Variants in CIB1 observed in about 807,000 individuals in gnomAD.
The protein encoded by CIB1 is calcium and integrin-binding protein 1.
CIB1 carries 19 observed loss-of-function variants against 25.0 expected under a neutral mutation model. The observed-to-expected ratio is 0.76, with a 90% CI of 0.53 to 1.12. The LOEUF (loss-of-function observed/expected upper bound fraction) is 1.12, where lower values mean the gene tolerates loss of function less well. Ranked by LOEUF, CIB1 falls within the 50% of genes most tolerant of loss-of-function variation. The pLI, the probability that CIB1 is intolerant of heterozygous loss-of-function variation, is 0.00. For missense variants in CIB1, 236 were observed against 242.6 expected (o/e 0.97, Z 0.18); for synonymous variants, 104 against 98.5 (o/e 1.06, Z -0.33).
chr15:90,246,959 G>A, the CIB1 span, among the ~76,000 whole-genome samples: 10 of 151,676 alleles, frequency 6.6e-5, no homozygotes, highest in African/African-American at 2.4e-4. Context: ...TTTCCAGGAG[G>A]ACCATTTCTT....
At chr15:90,265,055 C>T in the CIB1 span, 3 of 1,421,572 alleles carry the variant, frequency 2.1e-6, no homozygotes, top group East Asian at 7.5e-5. Context: ...ATGACTGCCA[C>T]CAAGTTCCAC....
chr15:90,237,558 G>C (rs1021027527), upstream of CIB1, among the ~76,000 whole-genome samples: 26 of 152,066 alleles, frequency 1.7e-4, no homozygotes, highest in African/African-American at 6.0e-4. Flanking sequence ...TGCTGGTCCA[G>C]GGATTACAGG....
the CIB1 span, chr15:90,257,659 C>G: frequency 2.5e-6 from 4 of 1,614,182 alleles, no homozygotes; most frequent in Non-Finnish European, 3.4e-6. Context: ...ATGCACCTGA[C>G]CAACTATGCT....
At chr15:90,246,108 T>C in the CIB1 span, among the ~76,000 whole-genome samples, 1 of 151,934 alleles carries the variant, frequency 6.6e-6, no homozygotes, top group East Asian at 1.9e-4. Context: ...ACCCAGTCTC[T>C]ACAAAAATAC....
At chr15:90,259,787 G>A in the CIB1 span, among the ~76,000 whole-genome samples, 35 of 152,300 alleles carry the variant, frequency 2.3e-4, no homozygotes, top group East Asian at 5.2e-3. Context: ...ATAGAGAATC[G>A]TTTACATCCG....
At chr15:90,250,692 C>A in the CIB1 span, 1 of 1,614,142 alleles carries the variant, frequency 6.2e-7, no homozygotes, top group Non-Finnish European at 8.5e-7. Flanking sequence ...GAAAAGGAAT[C>A]TGAGAAGTGT....
chr15:90,251,430 GGTCT>G, the CIB1 span: 1 of 1,025,812 alleles, frequency 9.7e-7, no homozygotes, highest in Admixed American at 1.7e-5. Flanking sequence ...AGCCCATCCT[GGTCT>G]GTCTTTTAAG....
chr15:90,241,613 C>T, the CIB1 span: 41 of 1,613,840 alleles, frequency 2.5e-5, no homozygotes, highest in Middle Eastern at 3.3e-4. Context: ...AGGCGCCAAG[C>T]GAGCCCCTGG....
the CIB1 span, among the ~76,000 whole-genome samples, chr15:90,264,222 C>T: frequency 1.3e-5 from 2 of 152,024 alleles, no homozygotes; most frequent in Admixed American, 1.3e-4. Flanking sequence ...GACAAGGTCA[C>T]GCTCTGTCGC....
At chr15:90,255,631 G>C in the CIB1 span, 1 of 1,425,256 alleles carries the variant, frequency 7.0e-7, no homozygotes. Flanking sequence ...CCTTGGTGCA[G>C]TGCTTACCTC....
At chr15:90,261,863 G>A in the CIB1 span, 1 of 608,760 alleles carries the variant, frequency 1.6e-6, no homozygotes, top group African/African-American at 1.9e-5. Context: ...GCCAAAGATG[G>A]GCTTGGCAGC....
At chr15:90,234,167 G>T (rs1042303321), upstream of CIB1, 2 of 185,872 alleles carry the variant, frequency 1.1e-5, no homozygotes, top group Admixed American at 1.1e-4. Flanking sequence ...TCCGGGGTGG[G>T]AGGGGGGGGC....
the CIB1 span, among the ~76,000 whole-genome samples, chr15:90,247,088 G>A: frequency 6.6e-6 from 1 of 151,036 alleles, no homozygotes; most frequent in African/African-American, 2.4e-5. Flanking sequence ...CAATTCTCCT[G>A]CCTAGGCCTC....
At chr15:90,253,480 A>C in the CIB1 span, 49 of 587,976 alleles carry the variant, frequency 8.3e-5, no homozygotes, top group Middle Eastern at 1.1e-3. Context: ...CCCCTTGTGC[A>C]GACAAGAAAG....
the CIB1 span, chr15:90,258,205 C>A: frequency 6.2e-7 from 1 of 1,614,244 alleles, no homozygotes; most frequent in South Asian, 1.1e-5. Flanking sequence ...GGTACATGTG[C>A]CTGTTTTGAA....
At chr15:90,258,047 G>A in the CIB1 span, 13 of 1,613,870 alleles carry the variant, frequency 8.1e-6, 1 homozygote, top group South Asian at 8.8e-5. Context: ...GGAAGCTGTC[G>A]ACACTCAACA....
upstream of CIB1, among the ~76,000 whole-genome samples, chr15:90,235,450 G>A (rs1358024944): frequency 6.6e-6 from 1 of 152,078 alleles, no homozygotes; most frequent in African/African-American, 2.4e-5. Flanking sequence ...GGAGCTGGAG[G>A]TTGCAGTGAG....
chr15:90,264,377 T>C, the CIB1 span, among the ~76,000 whole-genome samples: 1 of 152,146 alleles, frequency 6.6e-6, no homozygotes, highest in African/African-American at 2.4e-5. Context: ...ATTTTGTTTT[T>C]GCCACGTAGC....
the CIB1 span, chr15:90,258,406 A>G: frequency 1.3e-6 from 1 of 758,930 alleles, no homozygotes; most frequent in East Asian, 2.5e-5. Flanking sequence ...AGGAATGAGC[A>G]GAAGGCATAA....
Sources: allele counts gnomAD v4.1 joint callset (sites outside exome capture counted in the v4.1 genomes callset), GRCh38; gene constraint gnomAD v4.1.1; transcripts MANE v1.5; gene names NCBI Gene and HGNC (gene_info 2026-07-23, HGNC 2026-07-21).